Variants in PTOV1 observed in about 807,000 individuals in gnomAD.
PTOV1 encodes PTOV1 extended AT-hook containing adaptor protein.
A neutral mutation model predicts 58.0 loss-of-function variants in PTOV1; 20 were observed. The observed-to-expected ratio is 0.34, with a 90% CI of 0.24 to 0.50. The LOEUF is 0.50. PTOV1 is among the 20% of genes least tolerant of loss of function. The pLI is 0.98. For synonymous variants in PTOV1, 335 were observed against 234.2 expected (o/e 1.43, Z -3.93); for missense variants, 593 against 565.4 (o/e 1.05, Z -0.50).
At chr19:49,855,414 G>A (rs2074420592) in intron 5 of PTOV1, 1 of 347,980 alleles carries the variant, frequency 2.9e-6, no homozygotes, top group Non-Finnish European at 5.5e-6. Flanking sequence ...CTGGTAAATG[G>A]GTGTGCTAGG....
At chr19:49,858,897 C>T (rs1415589128) in intron 10 of PTOV1, 16 of 457,046 alleles carry the variant, frequency 3.5e-5, no homozygotes, top group African/African-American at 5.8e-5. Context: ...GACTCAGCAC[C>T]AACTCCGCGC....
chr19:49,854,492 C>G (rs2074374562), exon 2 of PTOV1: 5 of 1,612,876 alleles, frequency 3.1e-6, no homozygotes, highest in Admixed American at 1.7e-5. Flanking sequence ...TGAGCGAGCA[C>G]CGGCTCAGCA....
exon 12 of PTOV1, chr19:49,860,352 G>C: frequency 7.9e-7 from 1 of 1,262,986 alleles, no homozygotes; most frequent in Non-Finnish European, 1.1e-6. Flanking sequence ...TGGTGACCCT[G>C]TCATGTACAG....
In PTOV1 at chr19:49,851,163, G is replaced by A. The variant is rs927570478; in HGVS notation, c.-166G>A. ...CCGGGCTCCCCCGCTCGCCTCAGTG[G>A]TTCGGCCGCGGCGACCCCACTCCGG... On this transcript the variant is annotated 5_prime_UTR_variant, in exon 1 of 12. Coordinates refer to ENST00000391842, the Ensembl canonical transcript of PTOV1. 11 of 1,249,190 alleles carry A rather than the reference G, an allele frequency of 8.8e-6. No homozygotes were observed. In the African/African-American group the frequency reaches 1.4e-4, roughly 16 times the overall value. 77.4% of individuals were successfully genotyped at this position (1,249,190 alleles called of 1,614,324 possible). A position where few individuals can be genotyped will look rare whatever the true frequency, so the allele number is the denominator to read the frequency against.
At chr19:49,851,968 G>A in intron 1 of PTOV1, 2 of 985,266 alleles carry the variant, frequency 2.0e-6, no homozygotes, top group South Asian at 4.7e-5. Flanking sequence ...CTCCGTGCCC[G>A]TGGAGTGCGC....
chr19:49,856,003 GTCCCTGT>G (rs1047484092), intron 5 of PTOV1: 2 of 152,154 alleles, frequency 1.3e-5, no homozygotes, highest in African/African-American at 2.4e-5. Context: ...GACATTCCCA[GTCCCTGT>G]TCCCTGTTGG....
upstream of PTOV1, chr19:49,851,076 C>G: frequency 6.9e-7 from 1 of 1,459,572 alleles, no homozygotes; most frequent in Non-Finnish European, 9.0e-7. Flanking sequence ...CGCCCGGGCC[C>G]CGCTCCCCCG....
At chr19:49,851,549 GC>G in intron 1 of PTOV1, 50 bp downstream of exon 1, 1 of 936,034 alleles carries the variant, frequency 1.1e-6, no homozygotes, top group Non-Finnish European at 1.3e-6. Context: ...CGCCCCCCCA[GC>G]CCCTATCCCG....
chr19:49,851,807 C>T (rs929087217), intron 1 of PTOV1: 6 of 1,021,534 alleles, frequency 5.9e-6, no homozygotes, highest in Admixed American at 1.2e-4. Context: ...CCGGCACGCT[C>T]GCTTGTTTTT....
At chr19:49,857,291 C>T (rs566695899) in intron 6 of PTOV1, 161 bp downstream of exon 6, 2 of 1,063,340 alleles carry the variant, frequency 1.9e-6, no homozygotes, top group Admixed American at 2.4e-5. Context: ...CACCAGGGCT[C>T]CATGGAAAAG....
intron 5 of PTOV1, 126 bp downstream of exon 5, chr19:49,855,203 C>A: frequency 1.1e-6 from 1 of 873,414 alleles, no homozygotes; most frequent in South Asian, 1.5e-5. Context: ...CTCGTGGCCT[C>A]TCGGACCCCA....
chr19:49,851,011 A>T (rs1044672960), upstream of PTOV1: 4 of 1,531,036 alleles, frequency 2.6e-6, no homozygotes, highest in African/African-American at 5.5e-5. Flanking sequence ...GCGTCTTCCC[A>T]GGACTCCCCC....
rs770938530 is a variant in PTOV1, at chr19:49,854,655, C to T, written c.313C>T (p.Arg105Cys). 30 of 1,613,420 alleles carry T rather than the reference C, an allele frequency of 1.9e-5. No individual in the cohort carries two copies. Among genetic ancestry groups the T allele is most frequent in the Admixed American group, 3.3e-5 (2 of 60,022 alleles). ...GACGCCCCTCCTGCCCCCACAGAAG[C>T]GCAGACCCTACTCTGACTCCACTGC... The change falls in exon 3 of 12, where the codon CGC becomes TGC. Residue 105 changes from arginine to cysteine, a missense_variant. Coordinates refer to ENST00000391842, the Ensembl canonical transcript of PTOV1.
exon 12 of PTOV1, chr19:49,860,404 A>C (rs952426298): frequency 1.4e-5 from 19 of 1,347,640 alleles, no homozygotes; most frequent in Non-Finnish European, 1.7e-5. Context: ...GTTGGGAAAG[A>C]AGCAGGGCGA....
chr19:49,858,579 C>T lies in PTOV1; in HGVS notation c.967C>T (p.Arg323Cys), dbSNP rs546615363. The T allele has an allele frequency of 2.3e-5, 37 of 1,605,160 alleles. No individual in the cohort carries two copies. The highest frequency in any genetic ancestry group is 5.3e-5 in the African/African-American group (4 of 74,848). ...CCTAGTGCCGCTGTTCCGGAACTCG[C>T]GCCTGGTCCAGTTCCACTTCACCAA... The change falls in exon 10 of 12, where the codon CGC becomes TGC. Residue 323 changes from arginine to cysteine, a missense_variant. Physicochemically the swap from Arg to Cys is radical, Grantham distance 180. Transcript: ENST00000391842.
At chr19:49,854,987 G>C (rs1455929672) in exon 5 of PTOV1, 2 of 1,543,128 alleles carry the variant, frequency 1.3e-6, no homozygotes, top group East Asian at 2.6e-5. Context: ...TGGGCCCCCT[G>C]TTCCGGAACT....
chr19:49,852,227 C>G (rs1293903172), intron 1 of PTOV1: 1 of 290,192 alleles, frequency 3.4e-6, no homozygotes, highest in Non-Finnish European at 5.1e-6. Context: ...CTCGGGTCCG[C>G]TTCTTAAATA....
chr19:49,858,788 G>A, intron 10 of PTOV1, 135 bp downstream of exon 10: 1 of 750,046 alleles, frequency 1.3e-6, no homozygotes, highest in Non-Finnish European at 2.2e-6. Context: ...GGCTAGTGTG[G>A]GCGTGACTTC....
chr19:49,855,933 C>T (rs1043456103), intron 5 of PTOV1, among the ~76,000 whole-genome samples: 1 of 151,964 alleles, frequency 6.6e-6, no homozygotes, highest in Admixed American at 6.6e-5. Flanking sequence ...ATGGCAGGTG[C>T]TGGAGAGGAG....
Sources: gnomAD v4.1 joint callset for allele counts (sites outside exome capture counted in the v4.1 genomes callset) on GRCh38, gnomAD v4.1.1 for gene constraint, MANE v1.5 for transcripts, NCBI Gene and HGNC (gene_info 2026-07-23, HGNC 2026-07-21) for gene names.